Variants in SLC39A11 observed in about 807,000 individuals in gnomAD.
SLC39A11 encodes zinc transporter ZIP11.
A neutral mutation model predicts 36.1 loss-of-function variants in SLC39A11; 33 were observed. The ratio of observed to expected loss-of-function variants is 0.91; its 90% CI spans 0.69 to 1.22. The LOEUF (loss-of-function observed/expected upper bound fraction) is 1.22, where lower values mean the gene tolerates loss of function less well. Ranked by LOEUF, SLC39A11 falls within the 50% of genes most tolerant of loss-of-function variation. The pLI is 0.00. For synonymous variants in SLC39A11, 166 were observed against 170.3 expected (o/e 0.97, Z 0.20); for missense variants, 432 against 430.3 (o/e 1.00, Z -0.03).
intron 3 of SLC39A11, among the ~76,000 whole-genome samples, chr17:73,045,990 C>T (rs1055858822): frequency 6.6e-6 from 1 of 152,216 alleles, no homozygotes; most frequent in African/African-American, 2.4e-5. Flanking sequence ...TCACCACTCA[C>T]TCACACTGAT....
rs1200559280 is a variant in SLC39A11 at position 72,819,451 on chromosome 17, T to G, written c.601+30183A>C. ...TTCAGGCCACCCAGTTTGTGGCCAT[T>G]TGTTCCATAAGCCCTAAGAAACTAA... On this transcript the variant is annotated intron_variant, in intron 6 of 9. Coordinates refer to ENST00000255559, the MANE Select transcript of SLC39A11 (RefSeq NM_139177.4). 1.3e-5 allele frequency among the ~76,000 whole-genome samples: 2 copies of G among 151,366 alleles called. 1 individual carries two copies. Among genetic ancestry groups the G allele is most frequent in the Non-Finnish European group, 3.0e-5 (2 of 67,548 alleles).
intron 3 of SLC39A11, among the ~76,000 whole-genome samples, chr17:73,046,085 T>C (rs2059279633): frequency 6.6e-6 from 1 of 152,196 alleles, no homozygotes; most frequent in Non-Finnish European, 1.5e-5. Flanking sequence ...CTGGCTCCAC[T>C]GATACAAAAC....
chr17:72,972,504 AAC>A (rs2087531889), intron 4 of SLC39A11, among the ~76,000 whole-genome samples: 1 of 152,210 alleles, frequency 6.6e-6, no homozygotes, highest in Admixed American at 6.5e-5. Context: ...CATGAGGGCA[AAC>A]ACAGCGAGCT....
intron 5 of SLC39A11, among the ~76,000 whole-genome samples, chr17:72,875,356 G>A (rs768564997): frequency 2.0e-5 from 3 of 152,196 alleles, no homozygotes; most frequent in Admixed American, 6.5e-5. Flanking sequence ...TGCCAATGGA[G>A]AAAGATGAAG....
At chr17:72,970,314 A>T (rs1193780023) in intron 4 of SLC39A11, among the ~76,000 whole-genome samples, 1 of 152,208 alleles carries the variant, frequency 6.6e-6, no homozygotes, top group Non-Finnish European at 1.5e-5. Flanking sequence ...TCATGGTCAC[A>T]ACTTTTCACA....
intron 5 of SLC39A11, among the ~76,000 whole-genome samples, chr17:72,881,283 T>A (rs940832343): frequency 6.6e-6 from 1 of 152,138 alleles, no homozygotes; most frequent in Non-Finnish European, 1.5e-5. Context: ...AGTGAATGGA[T>A]AAAGAAATTT....
intron 7 of SLC39A11, among the ~76,000 whole-genome samples, chr17:72,704,537 A>T (rs778460674): frequency 6.4e-4 from 97 of 152,306 alleles, no homozygotes; most frequent in Non-Finnish European, 1.0e-3. Flanking sequence ...TACGCTTTTC[A>T]GTGGGTCCTG....
intron 5 of SLC39A11, among the ~76,000 whole-genome samples, chr17:72,924,992 A>G (rs1439679386): frequency 1.5e-5 from 2 of 131,278 alleles, no homozygotes; most frequent in Non-Finnish European, 3.1e-5. Context: ...ACAGAGTGAG[A>G]CTCCATTTCA....
intron 6 of SLC39A11, among the ~76,000 whole-genome samples, chr17:72,846,884 C>T (rs1416553903): frequency 6.6e-6 from 1 of 152,244 alleles, no homozygotes; most frequent in East Asian, 1.9e-4. Flanking sequence ...AAACAAGTAA[C>T]CTCTCTTCTC....
At chr17:72,860,331 T>C (rs1208235260) in intron 5 of SLC39A11, among the ~76,000 whole-genome samples, 2 of 152,208 alleles carry the variant, frequency 1.3e-5, no homozygotes, top group African/African-American at 4.8e-5. Flanking sequence ...AAAGCCACAA[T>C]TGCTGTGAGT....
chr17:73,020,843 C>T (rs188446177), intron 4 of SLC39A11, among the ~76,000 whole-genome samples: 323 of 151,958 alleles, frequency 2.1e-3, no homozygotes, highest in East Asian at 0.018. Context: ...CCACCACACC[C>T]GGCTAATTTT....
At chr17:72,754,286 G>A (rs2075286864) in intron 6 of SLC39A11, among the ~76,000 whole-genome samples, 1 of 151,992 alleles carries the variant, frequency 6.6e-6, no homozygotes, top group African/African-American at 2.4e-5. Context: ...GGACTTCGGG[G>A]ACTTGGGAAA....
At chr17:72,835,617 C>T (rs58633888) in intron 6 of SLC39A11, among the ~76,000 whole-genome samples, 7,093 of 152,194 alleles carry the variant, frequency 0.047, 197 homozygotes, top group Non-Finnish European at 0.062. Context: ...TGTGCCACCA[C>T]GCCCAGCTAA....
intron 5 of SLC39A11, among the ~76,000 whole-genome samples, chr17:72,900,211 AAGAAAG>A (rs2082314699): frequency 6.7e-6 from 1 of 149,142 alleles, no homozygotes; most frequent in Non-Finnish European, 1.5e-5. Context: ...GAAAGAAAGA[AAGAAAG>A]AAAGAAAGAA....
chr17:72,858,680 T>A (rs566449940), intron 5 of SLC39A11, among the ~76,000 whole-genome samples: 2 of 152,336 alleles, frequency 1.3e-5, no homozygotes, highest in African/African-American at 4.8e-5. Context: ...ATTCTCCTTG[T>A]AGAGATCCTT....
Position 73,064,102 on chromosome 17 carries a change from A to T in SLC39A11, c.147+20706T>A, listed in dbSNP as rs933654121. Among the ~76,000 whole-genome samples the T allele has an allele frequency of 4.6e-5, 7 of 151,972 alleles. No homozygotes were observed. In the South Asian group the frequency reaches 1.0e-3, roughly 22 times the overall value. On this transcript the variant is annotated intron_variant, in intron 3 of 9. Transcript: ENST00000255559. ...TGCTACAGCAAAAAAAAAAGGAAAT[A>T]AAAAAAAGAAAGAAAACCTACGCAC...
intron 4 of SLC39A11, among the ~76,000 whole-genome samples, chr17:72,955,873 T>G (rs2086222863): frequency 1.3e-5 from 2 of 151,960 alleles, no homozygotes; most frequent in South Asian, 4.1e-4. Context: ...TTAAAAGAAT[T>G]AACGATTTTC....
intron 4 of SLC39A11, among the ~76,000 whole-genome samples, 189 bp downstream of exon 4, chr17:73,031,367 G>T (rs2148672270): frequency 6.6e-6 from 1 of 152,012 alleles, no homozygotes; most frequent in East Asian, 1.9e-4. Flanking sequence ...AAATAAGGGG[G>T]TAATTACCAA....
At chr17:72,714,398 GT>G (rs946297173) in intron 7 of SLC39A11, among the ~76,000 whole-genome samples, 3 of 150,938 alleles carry the variant, frequency 2.0e-5, no homozygotes, top group African/African-American at 7.3e-5. Flanking sequence ...AATAATTGCG[GT>G]TTTTGCCAAT....
Sources: gnomAD v4.1 joint callset for allele counts (sites outside exome capture counted in the v4.1 genomes callset) on GRCh38, gnomAD v4.1.1 for gene constraint, MANE v1.5 for transcripts, NCBI Gene and HGNC (gene_info 2026-07-23, HGNC 2026-07-21) for gene names.